Variants in DNAH10 observed in about 807,000 individuals in gnomAD.
The protein encoded by DNAH10 is dynein axonemal heavy chain 10.
In DNAH10, 348 loss-of-function variants were observed where a neutral mutation model predicts 506.6. That is an observed-to-expected ratio of 0.69 (90% CI 0.63 to 0.75). The LOEUF (loss-of-function observed/expected upper bound fraction) is 0.75. Among genes scored for constraint, DNAH10 ranks in the 30% least tolerant of loss-of-function variants. The pLI, the probability that DNAH10 is intolerant of heterozygous loss-of-function variation, is 0.00. For missense variants in DNAH10, 5,179 were observed against 5,787.1 expected, an observed-to-expected ratio of 0.89 and a Z score of 3.41; for synonymous variants, 2,059 against 2,198.6, an observed-to-expected ratio of 0.94 and a Z score of 1.78.
At chr12:123,899,893 G>A (rs1182947711) in intron 56 of DNAH10, among the ~76,000 whole-genome samples, 1 of 152,182 alleles carries the variant, frequency 6.6e-6, no homozygotes, top group Non-Finnish European at 1.5e-5. Flanking sequence ...TGCAACCAAA[G>A]CAACTTAATC....
At chr12:123,877,597 T>G in intron 47 of DNAH10, 139 bp from the exon 48 acceptor site, 10 of 1,195,768 alleles carry the variant, frequency 8.4e-6, no homozygotes, top group Non-Finnish European at 1.0e-5. Flanking sequence ...ATTACAGGCA[T>G]GAGCCACCGT....
At chr12:123,929,866 G>A (rs1271066360) in intron 72 of DNAH10, 107 bp downstream of exon 72, 3 of 978,826 alleles carry the variant, frequency 3.1e-6, no homozygotes, top group East Asian at 2.6e-5. Flanking sequence ...TTCTGCCCCT[G>A]TGTTCCCCTT....
At position 123,931,695 on chromosome 12, in the gene DNAH10, GA is replaced by G. The variant is rs1381718018; in HGVS notation, c.12980del (p.Asn4327ThrfsTer12). 3.7e-6 allele frequency: 6 copies of G among 1,613,928 alleles called. No homozygotes were observed. The highest frequency in any genetic ancestry group is 5.1e-6 in the Non-Finnish European group (6 of 1,179,918). On this transcript the variant is annotated frameshift_variant, in exon 75 of 79. Transcript: ENST00000673944. LOFTEE classifies it high-confidence loss of function. ...TATTGGCCAAGTGGCCAAAGAAATA[GA>G]AAACAAGATGCCCAAAGTCTTTGAC... ...DYIGQVAKEI[E>X]NKMPKVFDLD...
intron 35 of DNAH10, among the ~76,000 whole-genome samples, chr12:123,852,765 G>T (rs545011420): frequency 6.6e-6 from 1 of 152,208 alleles, no homozygotes; most frequent in East Asian, 1.9e-4. Context: ...GTAGAGACAG[G>T]GTTTCACCAT....
Position 123,930,390 on chromosome 12 carries a change from C to T in DNAH10, c.12613-12C>T, listed in dbSNP as rs747398542. The T allele has an allele frequency of 1.0e-4, 160 of 1,537,248 alleles. 1 individual carries two copies. The East Asian group carries it at 3.3e-3, about 32-fold the overall frequency. On this transcript the variant is annotated splice_polypyrimidine_tract_variant and intron_variant, in intron 72 of 78. Coordinates refer to ENST00000673944, the MANE Select transcript of DNAH10 (RefSeq NM_001372106.1). ...TGAGCTCCTGGCTGGCTCTCAGGCC[C>T]TCTAATTTCAGGTCATGTATGGAGG... is the stretch of plus-strand genomic sequence containing the variant.
At chr12:123,879,465 A>G in intron 49 of DNAH10, 108 bp downstream of exon 49, 1 of 1,452,436 alleles carries the variant, frequency 6.9e-7, no homozygotes. Flanking sequence ...TAGGCACGAA[A>G]GGTCAATGGG....
chr12:123,785,654 A>G lies in DNAH10; in HGVS notation c.1231-92A>G, dbSNP rs1957820961. The G allele has an allele frequency of 1.3e-5, 13 of 1,034,066 alleles. No homozygotes were observed. Among genetic ancestry groups the G allele is most frequent in the African/African-American group, 1.7e-5 (1 of 58,536 alleles). The allele number at this position is 1,034,066 out of a possible 1,614,324, so 64.1% of individuals were successfully genotyped here. ...TCTCAAGGAAAAAAAAAAAAAAAAA[A>G]GAGTGAAACTTCTTGCATGCTTACT... is the stretch of plus-strand genomic sequence containing the variant. On this transcript the variant is annotated intron_variant, in intron 8 of 78. Transcript: ENST00000673944. The surrounding 1 kb of genome is among the most constrained non-coding windows in gnomAD (Gnocchi z 4.1).
In DNAH10 at chr12:123,867,910, A is replaced by G; in HGVS notation, c.7310A>G (p.Gln2437Arg). 1.2e-6 allele frequency: 2 copies of G among 1,613,224 alleles called. No homozygotes were observed. Among genetic ancestry groups the G allele is most frequent in the Non-Finnish European group, 8.5e-7 (1 of 1,179,538 alleles). The part of the protein sequence containing the change: ...VPQTDLNMVT[Q>R]LAKMLDALLE... Reference sequence around the variant, plus strand: ...TATTTTCCTGTGAACCAGGTAACCCAGTTAGCCAAGATGTTGGATGCGTTG... The same window carrying G: ...TATTTTCCTGTGAACCAGGTAACCCGGTTAGCCAAGATGTTGGATGCGTTG... The change falls in exon 43 of 79, where the codon CAG (glutamine) becomes CGG (arginine). Residue 2437 changes from glutamine (Q) to arginine (R), a missense_variant. Around this residue, in one of 3 missense-constraint regions of DNAH10, gnomAD observed 4,844 missense variants for 5,430.5 expected, o/e 0.89. Coordinates refer to ENST00000673944, the MANE Select transcript of DNAH10 (RefSeq NM_001372106.1).
rs1223917155 is a variant in DNAH10 at position 123,801,412 on chromosome 12, G to A, written c.2594G>A (p.Arg865Lys). Residue 865 changes from arginine to lysine, a missense_variant, in exon 16 of 79, where the codon AGG becomes AAG. Arg to Lys is a conservative substitution (Grantham distance 26). Around this residue, in one of 3 missense-constraint regions of DNAH10, gnomAD observed 4,844 missense variants for 5,430.5 expected, o/e 0.89. Coordinates refer to ENST00000673944, the MANE Select transcript of DNAH10 (RefSeq NM_001372106.1). ...CGAGTGTTTAGGTCGGGATATAAGA[G>A]GTTGAACTGGAACTCACTAGGTAAC... ...LLRVFRSGYK[R>K]LNWNSLGIGD... The A allele has an allele frequency of 3.5e-5, 56 of 1,613,776 alleles. No homozygotes were observed. The highest frequency in any genetic ancestry group is 4.7e-5 in the Non-Finnish European group (55 of 1,179,924).
intron 56 of DNAH10, among the ~76,000 whole-genome samples, chr12:123,901,304 C>A (rs542743375): frequency 6.6e-6 from 1 of 152,216 alleles, no homozygotes; most frequent in Non-Finnish European, 1.5e-5. Context: ...CGCCTCAGCA[C>A]GCTCACAGCT....
At position 123,762,806 on chromosome 12, in the gene DNAH10, C is replaced by T. The variant is rs185178812; in HGVS notation, c.214+256C>T. Among the ~76,000 whole-genome samples, 190 of 152,382 alleles carry T rather than the reference C, an allele frequency of 1.2e-3. No individual in the cohort carries two copies. The highest frequency in any genetic ancestry group is 3.4e-3 in the Middle Eastern group (1 of 294). ...TCACAGCAAACACTGACTTAGCCCG[C>T]ACCCCGTGCCAGGTGCGGTTCCAAC... is the stretch of plus-strand genomic sequence containing the variant. On this transcript the variant is annotated intron_variant, in intron 1 of 78. Coordinates refer to ENST00000673944, the MANE Select transcript of DNAH10 (RefSeq NM_001372106.1). This position sits in a 1 kb window ranked among gnomAD's most constrained non-coding sequence, Gnocchi z 5.0.
intron 39 of DNAH10, among the ~76,000 whole-genome samples, chr12:123,864,143 C>CTTTTTTTTTTTTTTTTTTTTTTTTTT: frequency 8.5e-6 from 1 of 117,134 alleles, no homozygotes; most frequent in Non-Finnish European, 1.7e-5. Flanking sequence ...ACTTTTTTTT[C>CTTTTTTTTTTTTTTTTTTTTTTTTTT]TTTTTTTTTT....
At chr12:123,887,407 G>C (rs1952784770) in intron 52 of DNAH10, 94 bp downstream of exon 52, 1 of 1,410,014 alleles carries the variant, frequency 7.1e-7, no homozygotes, top group East Asian at 2.5e-5. Context: ...CAGACACTGT[G>C]GGTAGCCCTG....
intron 53 of DNAH10, among the ~76,000 whole-genome samples, chr12:123,894,406 AC>A (rs1953128862): frequency 6.6e-6 from 1 of 151,924 alleles, no homozygotes; most frequent in African/African-American, 2.4e-5. Context: ...ACAGGTGTGC[AC>A]CACTACTGCC....
In DNAH10 at chr12:123,782,084, C is replaced by A. The variant is rs537647299; in HGVS notation, c.841+785C>A. Among the ~76,000 whole-genome samples, 3 of 152,214 alleles carry A rather than the reference C, an allele frequency of 2.0e-5. No individual in the cohort carries two copies. In the South Asian group the frequency reaches 6.2e-4, roughly 32 times the overall value. On this transcript the variant is annotated intron_variant, in intron 6 of 78. Transcript: ENST00000673944. ...CTAGAGATTCTATTTCTTATCTTTT[C>A]TCTTGTATTTTTCATCTTTTTGTCT...
intron 49 of DNAH10, 55 bp downstream of exon 49, chr12:123,879,412 C>T (rs1259037174): frequency 6.5e-6 from 10 of 1,536,952 alleles, no homozygotes; most frequent in East Asian, 4.9e-5. Flanking sequence ...AATAAACAAG[C>T]GCCAAAAGTG....
chr12:123,900,183 C>T (rs1227230235), intron 56 of DNAH10, among the ~76,000 whole-genome samples: 1 of 152,232 alleles, frequency 6.6e-6, no homozygotes, highest in East Asian at 1.9e-4. Flanking sequence ...TCAAATGCCT[C>T]ATTCCCACAT....
At chr12:123,930,298 C>T in intron 72 of DNAH10, 104 bp from the exon 73 acceptor site, 1 of 1,115,202 alleles carries the variant, frequency 9.0e-7, no homozygotes, top group Non-Finnish European at 1.2e-6. Context: ...AGCAGCCAGG[C>T]TGCTGGAGTC....
chr12:123,935,225 G>A, intron 78 of DNAH10, 110 bp from the exon 79 acceptor site: 3 of 1,328,076 alleles, frequency 2.3e-6, no homozygotes, highest in East Asian at 2.4e-5. Flanking sequence ...GTGTTCTCAG[G>A]TGCAGTCTTG....
Sources: allele counts gnomAD v4.1 joint callset (sites outside exome capture counted in the v4.1 genomes callset), GRCh38; gene constraint gnomAD v4.1.1; regional missense constraint gnomAD v4.1.1; non-coding constraint Gnocchi (gnomAD v3.1); transcripts MANE v1.5; gene names NCBI Gene and HGNC (gene_info 2026-07-23, HGNC 2026-07-21).